The following ATG13 variants were observed in gnomAD, a reference collection of about 807,000 sequenced individuals.
The protein encoded by ATG13 is autophagy-related protein 13.
A neutral mutation model predicts 65.5 loss-of-function variants in ATG13; 23 were observed. The observed-to-expected ratio is 0.35, with a 90% CI of 0.25 to 0.50. ATG13 has a LOEUF of 0.50. Ranked by LOEUF, ATG13 falls within the 20% of genes least tolerant of loss-of-function variation. ATG13 has a pLI of 0.98. For missense variants in ATG13, 566 were observed against 677.0 expected, an observed-to-expected ratio of 0.84 and a Z score of 1.82; for synonymous variants, 252 against 245.2, an observed-to-expected ratio of 1.03 and a Z score of -0.26.
chr11:46,654,276 T>TA, intron 7 of ATG13, among the ~76,000 whole-genome samples: 1 of 121,594 alleles, frequency 8.2e-6, no homozygotes, highest in Non-Finnish European at 1.7e-5. Flanking sequence ...CTACTATTTT[T>TA]AAAATTTTAT....
intron 14 of ATG13, among the ~76,000 whole-genome samples, chr11:46,665,797 CTT>C (rs1159523560): frequency 3.3e-4 from 29 of 87,766 alleles, no homozygotes; most frequent in South Asian, 4.2e-4. Flanking sequence ...TTTATTTTTC[CTT>C]TTTTTTTTTT....
rs150440117 is a variant in ATG13 at position 46,638,370 on chromosome 11, G to A, written c.-13-5909G>A. ...CCAGAATCGCTTGAACCCGGGAGTCGGAAGTTGCAGTAAGCCAAGATCGCA... is the reference window on the plus strand; with the variant it reads ...CCAGAATCGCTTGAACCCGGGAGTCAGAAGTTGCAGTAAGCCAAGATCGCA... On this transcript the variant is annotated intron_variant, in intron 2 of 18. Transcript: ENST00000683050. The A allele has an allele frequency of 4.0e-3, 606 of 152,282 alleles. 3 individuals are homozygous for A. The highest frequency in any genetic ancestry group is 6.8e-3 in the Non-Finnish European group (466 of 68,052). The allele number at this position is 152,282 out of a possible 1,614,324, so 9.4% of individuals were successfully genotyped here. A position where few individuals can be genotyped will look rare whatever the true frequency, so the allele number is the denominator to read the frequency against.
At chr11:46,647,239 G>GGGT (rs1385743980) in intron 5 of ATG13, among the ~76,000 whole-genome samples, 1 of 150,800 alleles carries the variant, frequency 6.6e-6, no homozygotes, top group Non-Finnish European at 1.5e-5. Context: ...GTGACTTGCT[G>GGGT]GGTGGTGGTG....
intron 7 of ATG13, among the ~76,000 whole-genome samples, chr11:46,653,000 A>T (rs1345597777): frequency 6.6e-6 from 1 of 152,070 alleles, no homozygotes; most frequent in Non-Finnish European, 1.5e-5. Context: ...TACTTTTGCA[A>T]TACAACAGAA....
intron 2 of ATG13, among the ~76,000 whole-genome samples, chr11:46,637,417 T>C (rs1026300033): frequency 2.0e-5 from 3 of 152,228 alleles, no homozygotes; most frequent in Non-Finnish European, 2.9e-5. Flanking sequence ...TATTAATCTT[T>C]CGTTTGATGG....
At position 46,656,228 on chromosome 11, in the gene ATG13, T is replaced by C. The variant is rs2060023708; in HGVS notation, c.459-5T>C. 1.2e-6 allele frequency: 2 copies of C among 1,612,284 alleles called. No individual in the cohort carries two copies. The highest frequency in any genetic ancestry group is 8.5e-7 in the Non-Finnish European group (1 of 1,178,418). ...GTAACATTTCTTATTTTTTCTTCCA[T>C]ACAGGATATATTTTGGAGAAGTTCA... On this transcript the variant is annotated splice_polypyrimidine_tract_variant and splice_region_variant and intron_variant, in intron 7 of 18. Transcript: ENST00000683050.
chr11:46,656,928 T>TACACAC (rs144572744), intron 8 of ATG13, 167 bp from the exon 9 acceptor site: 3 of 577,910 alleles, frequency 5.2e-6, no homozygotes, highest in Non-Finnish European at 6.2e-6. Flanking sequence ...TACACGCACA[T>TACACAC]ACACACACAC....
chr11:46,666,494 T>C (rs774223642), intron 14 of ATG13, among the ~76,000 whole-genome samples: 1 of 152,246 alleles, frequency 6.6e-6, no homozygotes, highest in Non-Finnish European at 1.5e-5. Flanking sequence ...ATCTTTGTCT[T>C]TTCTGATTAC....
chr11:46,651,670 G>T (rs1053705829), intron 7 of ATG13, among the ~76,000 whole-genome samples: 15 of 152,200 alleles, frequency 9.9e-5, no homozygotes, highest in Admixed American at 8.5e-4. Flanking sequence ...GACTTATCTA[G>T]TTCTGTTGAA....
intron 7 of ATG13, among the ~76,000 whole-genome samples, chr11:46,653,790 C>T (rs946412677): frequency 1.3e-5 from 2 of 151,138 alleles, no homozygotes; most frequent in African/African-American, 2.4e-5. Context: ...AGGATGGTCT[C>T]GATCTCCTGA....
intron 2 of ATG13, among the ~76,000 whole-genome samples, chr11:46,642,835 G>A (rs760004860): frequency 3.9e-5 from 6 of 152,238 alleles, no homozygotes; most frequent in East Asian, 1.9e-4. Context: ...CCCCTGTCTC[G>A]CACACTAGGT....
At chr11:46,665,099 C>A in intron 13 of ATG13, 140 bp downstream of exon 13, 1 of 918,732 alleles carries the variant, frequency 1.1e-6, no homozygotes, top group Non-Finnish European at 1.7e-6. Flanking sequence ...CTTCAGAGAC[C>A]AAAAGTGACT....
rs2063919719 is a variant in ATG13, at chr11:46,672,239, T to A, written c.1576-16T>A. ...CCTGCCTGAATAAACGGCTCTTCCC[T>A]CTCTTTCCGGTACAGGACTCATTAC... On this transcript the variant is annotated splice_polypyrimidine_tract_variant and intron_variant, in intron 18 of 18. Coordinates refer to ENST00000683050, the MANE Select transcript of ATG13 (RefSeq NM_001346311.2). 2 of 1,613,862 alleles carry A rather than the reference T, an allele frequency of 1.2e-6. No individual in the cohort carries two copies. The highest frequency in any genetic ancestry group is 2.2e-5 in the South Asian group (2 of 91,074).
rs1030247461 is a variant in ATG13 at position 46,673,428 on chromosome 11, A to C, written c.*1096A>C. 2 of 152,252 alleles carry C rather than the reference A, an allele frequency of 1.3e-5. No individual in the cohort carries two copies. The highest frequency in any genetic ancestry group is 4.8e-5 in the African/African-American group (2 of 41,444). The allele number at this position is 152,252 out of a possible 1,614,324, so 9.4% of individuals were successfully genotyped here. ...CTTACATCTCCCACAGTTTCTGCAG[A>C]GTGACTGACTCCATTCTGGCAGCCC... is the stretch of plus-strand genomic sequence containing the variant. On this transcript the variant is annotated 3_prime_UTR_variant, in exon 19 of 19. Coordinates refer to ENST00000683050, the MANE Select transcript of ATG13 (RefSeq NM_001346311.2).
chr11:46,635,858 T>G (rs772915133), intron 2 of ATG13, among the ~76,000 whole-genome samples: 20 of 152,238 alleles, frequency 1.3e-4, no homozygotes, highest in Non-Finnish European at 2.4e-4. Context: ...AATGATTGCA[T>G]TGGTAGATAA....
rs1289355327 is a variant in ATG13 at position 46,664,857 on chromosome 11, C to T, written c.897C>T (p.Ser299=). The change falls in exon 13 of 19, where the codon AGC becomes AGT. Residue 299 remains serine, a synonymous_variant. Coordinates refer to ENST00000683050, the MANE Select transcript of ATG13 (RefSeq NM_001346311.2). ...GTTTTTCTCTTGCTTAGCTCTCAAGCTCTCGCCTTTCCTATCAGCCTGCTG... is the reference window on the plus strand; with the variant it reads ...GTTTTTCTCTTGCTTAGCTCTCAAGTTCTCGCCTTTCCTATCAGCCTGCTG... ...AGLAFSHQLS[S]SRLSYQPAAL... 6.2e-7 allele frequency: 1 copy of T among 1,613,758 alleles called. No homozygotes were observed. Among genetic ancestry groups the T allele is most frequent in the East Asian group, 2.2e-5 (1 of 44,884 alleles).
intron 8 of ATG13, 145 bp from the exon 9 acceptor site, chr11:46,656,949 AT>A: frequency 1.5e-6 from 1 of 687,948 alleles, no homozygotes; most frequent in East Asian, 2.5e-5. Context: ...ACACACACAC[AT>A]ATGAAATTAA....
At position 46,674,106 on chromosome 11, in the gene ATG13, G is replaced by A. The variant is rs1380381899; in HGVS notation, c.*1774G>A. The A allele has an allele frequency of 1.3e-5, 2 of 152,268 alleles. No individual in the cohort carries two copies. The highest frequency in any genetic ancestry group is 3.9e-4 in the East Asian group (2 of 5,194). The allele number at this position is 152,268 out of a possible 1,614,324, so 9.4% of individuals were successfully genotyped here. A position where few individuals can be genotyped will look rare whatever the true frequency, so the allele number is the denominator to read the frequency against. The stretch of plus-strand genomic sequence containing the variant: ...GGCCCCAGCTTTGAGAAGGGGGAAG[G>A]CCCCTGGTAAGTTATTGATGCCCCC... On this transcript the variant is annotated 3_prime_UTR_variant, in exon 19 of 19. Coordinates refer to ENST00000683050, the MANE Select transcript of ATG13 (RefSeq NM_001346311.2).
In ATG13 at chr11:46,672,464, G is replaced by A; in HGVS notation, c.*132G>A. The stretch of plus-strand genomic sequence containing the variant: ...AAGGGAGGCTGGCTTCTCCCATGGG[G>A]ACCCAGAAGTCCCTACTCTTGGACC... On this transcript the variant is annotated 3_prime_UTR_variant, in exon 19 of 19. Transcript: ENST00000683050. The A allele has an allele frequency of 2.6e-6, 4 of 1,552,904 alleles. No homozygotes were observed. Among genetic ancestry groups the A allele is most frequent in the South Asian group, 2.4e-5 (2 of 82,400 alleles).
Sources: allele counts gnomAD v4.1 joint callset (sites outside exome capture counted in the v4.1 genomes callset), GRCh38; gene constraint gnomAD v4.1.1; transcripts MANE v1.5; gene names NCBI Gene and HGNC (gene_info 2026-07-23, HGNC 2026-07-21).